NCAM2: variants seen among roughly 807,000 people sequenced by gnomAD.
The protein encoded by NCAM2 is neural cell adhesion molecule 2.
A neutral mutation model predicts 98.1 loss-of-function variants in NCAM2; 30 were observed. The observed-to-expected ratio is 0.31, with a 90% CI of 0.23 to 0.41. The LOEUF is 0.41. Ranked by LOEUF, NCAM2 falls within the 10% of genes least tolerant of loss-of-function variation. The pLI is 1.00. For synonymous variants in NCAM2, 368 were observed against 342.4 expected (o/e 1.07, Z -0.83); for missense variants, 867 against 1,005.8 (o/e 0.86, Z 1.87).
At chr21:21,408,097 A>G (rs974837759) in intron 9 of NCAM2, among the ~76,000 whole-genome samples, 2 of 152,242 alleles carry the variant, frequency 1.3e-5, no homozygotes, top group Non-Finnish European at 1.5e-5. Flanking sequence ...AATGGACATC[A>G]TTTGGTGTAG....
At position 21,543,004 on chromosome 21, in the gene NCAM2, A is replaced by AG. The variant is rs1055418081; in HGVS notation, c.*5049dup. ...TAGAAATATGTGAAGTTAGAAATAA[A>AG]GGTTTTTTTAAAAAAAAAGCTTTTT... is the stretch of plus-strand genomic sequence containing the variant. On this transcript the variant is annotated 3_prime_UTR_variant, in exon 18 of 18. Coordinates refer to ENST00000400546, the MANE Select transcript of NCAM2 (RefSeq NM_004540.5). 2.3e-5 allele frequency: 2 copies of AG among 86,780 alleles called. No homozygotes were observed. Among genetic ancestry groups the AG allele is most frequent in the East Asian group, 2.4e-4 (1 of 4,198 alleles). 5.4% of individuals were successfully genotyped at this position (86,780 alleles called of 1,614,324 possible). A position where few individuals can be genotyped will look rare whatever the true frequency, so the allele number is the denominator to read the frequency against.
chr21:21,250,088 C>T (rs2071418122), intron 1 of NCAM2, among the ~76,000 whole-genome samples: 1 of 152,148 alleles, frequency 6.6e-6, no homozygotes, highest in Admixed American at 6.5e-5. Flanking sequence ...ATATATCTTC[C>T]TCCCAGGTAG....
chr21:21,104,350 G>T (rs1181190562), intron 1 of NCAM2, among the ~76,000 whole-genome samples: 1 of 152,036 alleles, frequency 6.6e-6, no homozygotes, highest in African/African-American at 2.4e-5. Flanking sequence ...GGAAAAATAG[G>T]AACAAAGAAG....
At chr21:21,240,995 T>C (rs1350180437) in intron 1 of NCAM2, among the ~76,000 whole-genome samples, 1 of 152,148 alleles carries the variant, frequency 6.6e-6, no homozygotes, top group East Asian at 1.9e-4. Context: ...TAGTTAAAAT[T>C]GCTTGGACCT....
At chr21:21,232,359 C>T (rs2070664651) in intron 1 of NCAM2, among the ~76,000 whole-genome samples, 1 of 151,578 alleles carries the variant, frequency 6.6e-6, no homozygotes, top group East Asian at 1.9e-4. Context: ...AATATATTAA[C>T]TTGTTACATT....
intron 1 of NCAM2, among the ~76,000 whole-genome samples, chr21:21,202,941 C>G (rs974073663): frequency 2.0e-5 from 3 of 152,036 alleles, no homozygotes; most frequent in African/African-American, 7.2e-5. Context: ...CAGGGTATAT[C>G]AGATATGGTT....
At chr21:21,065,128 C>T (rs537188029) in intron 1 of NCAM2, among the ~76,000 whole-genome samples, 2 of 151,166 alleles carry the variant, frequency 1.3e-5, no homozygotes, top group South Asian at 2.1e-4. Context: ...TGCAGTGAGC[C>T]GAGATCACAC....
intron 1 of NCAM2, among the ~76,000 whole-genome samples, chr21:21,266,867 T>A (rs1181818560): frequency 6.6e-6 from 1 of 152,094 alleles, no homozygotes; most frequent in African/African-American, 2.4e-5. Flanking sequence ...ACTTAAAGTA[T>A]AATAAAAAAT....
intron 16 of NCAM2, among the ~76,000 whole-genome samples, chr21:21,518,135 A>G (rs1569134256): frequency 6.6e-6 from 1 of 152,326 alleles, no homozygotes; most frequent in South Asian, 2.1e-4. Flanking sequence ...TAATTTATGC[A>G]TCAGGGTTAG....
intron 1 of NCAM2, among the ~76,000 whole-genome samples, chr21:21,005,783 A>G (rs543514012): frequency 1.3e-5 from 2 of 151,908 alleles, no homozygotes; most frequent in Non-Finnish European, 2.9e-5. Context: ...CACCAAAACA[A>G]AATAAAATCC....
chr21:21,050,375 T>A (rs570296997), intron 1 of NCAM2, among the ~76,000 whole-genome samples: 52 of 152,280 alleles, frequency 3.4e-4, no homozygotes, highest in African/African-American at 1.2e-3. Context: ...TTTTTGGGGA[T>A]GGTTTATGAG....
intron 5 of NCAM2, among the ~76,000 whole-genome samples, chr21:21,321,793 T>C (rs889592151): frequency 6.6e-5 from 10 of 152,142 alleles, no homozygotes; most frequent in Non-Finnish European, 1.3e-4. Context: ...AGAATGAATA[T>C]TATTTAAAAA....
At chr21:21,374,151 C>T (rs1407787784) in intron 9 of NCAM2, 138 bp downstream of exon 9, 1 of 729,606 alleles carries the variant, frequency 1.4e-6, no homozygotes, top group South Asian at 2.3e-5. Flanking sequence ...ATATAGGAAT[C>T]ATTCAGTCAG....
intron 8 of NCAM2, among the ~76,000 whole-genome samples, chr21:21,369,769 T>A (rs2148032572): frequency 6.6e-6 from 1 of 151,950 alleles, no homozygotes; most frequent in African/African-American, 2.4e-5. Context: ...GTAGTCTTGT[T>A]TATTTCTCTA....
intron 1 of NCAM2, among the ~76,000 whole-genome samples, chr21:21,203,560 A>G (rs989298367): frequency 4.6e-5 from 7 of 152,202 alleles, no homozygotes; most frequent in Non-Finnish European, 2.9e-5. Flanking sequence ...GATTTCCTAC[A>G]GGTTACAAAT....
intron 9 of NCAM2, among the ~76,000 whole-genome samples, chr21:21,402,116 A>G (rs1237039538): frequency 6.6e-6 from 1 of 152,162 alleles, no homozygotes; most frequent in East Asian, 1.9e-4. Context: ...AATGAACAGA[A>G]TAACAGCGAT....
At chr21:21,459,153 C>A (rs1486580166) in intron 12 of NCAM2, among the ~76,000 whole-genome samples, 1 of 151,704 alleles carries the variant, frequency 6.6e-6, no homozygotes, top group Non-Finnish European at 1.5e-5. Context: ...GAGATATCAA[C>A]TCACACCTGT....
chr21:21,331,229 C>T (rs370225329), intron 6 of NCAM2, among the ~76,000 whole-genome samples: 2 of 151,798 alleles, frequency 1.3e-5, no homozygotes, highest in East Asian at 3.9e-4. Flanking sequence ...CTCCAACTCT[C>T]GGGCTCAAGT....
chr21:21,091,047 T>C (rs1049071717), intron 1 of NCAM2, among the ~76,000 whole-genome samples: 3 of 152,194 alleles, frequency 2.0e-5, no homozygotes, highest in African/African-American at 4.8e-5. Context: ...ATGTTAGTTA[T>C]TTGAAAGAAG....
Sources: gnomAD v4.1 joint callset for allele counts (sites outside exome capture counted in the v4.1 genomes callset) on GRCh38, gnomAD v4.1.1 for gene constraint, MANE v1.5 for transcripts, NCBI Gene and HGNC (gene_info 2026-07-23, HGNC 2026-07-21) for gene names.